DCLK1: variants seen among roughly 807,000 people sequenced by gnomAD.
DCLK1 encodes serine/threonine-protein kinase DCLK1.
DCLK1 carries 16 observed loss-of-function variants against 86.2 expected under a neutral mutation model. That is an observed-to-expected ratio of 0.19 (90% CI 0.13 to 0.28). The LOEUF is 0.28. Among genes scored for constraint, DCLK1 ranks in the 10% least tolerant of loss-of-function variants. DCLK1 has a pLI of 1.00. For missense variants in DCLK1, 590 were observed against 940.2 expected (o/e 0.63, Z 4.87); for synonymous variants, 369 against 370.5 (o/e 1.00, Z 0.05).
At chr13:36,055,866 A>C (rs1179129055) in intron 3 of DCLK1, among the ~76,000 whole-genome samples, 1 of 152,230 alleles carries the variant, frequency 6.6e-6, no homozygotes, top group African/African-American at 2.4e-5. Context: ...TTAACTGTTT[A>C]TTAAAAATAA....
intron 3 of DCLK1, among the ~76,000 whole-genome samples, chr13:35,954,003 A>G (rs185801374): frequency 5.9e-5 from 9 of 152,332 alleles, no homozygotes; most frequent in Non-Finnish European, 2.9e-5. Context: ...AGAATAAACC[A>G]TCACAGAAGT....
At chr13:35,932,431 T>C (rs1876505132) in intron 4 of DCLK1, among the ~76,000 whole-genome samples, 1 of 152,182 alleles carries the variant, frequency 6.6e-6, no homozygotes, top group South Asian at 2.1e-4. Flanking sequence ...TGTGTGTATG[T>C]GTATTAGTCC....
At chr13:36,013,625 C>G (rs1374881510) in intron 3 of DCLK1, among the ~76,000 whole-genome samples, 1 of 152,162 alleles carries the variant, frequency 6.6e-6, no homozygotes, top group Non-Finnish European at 1.5e-5. Flanking sequence ...CCACTGCTCT[C>G]TTCAAAGCTG....
At chr13:35,930,964 G>C (rs1044574423) in intron 4 of DCLK1, among the ~76,000 whole-genome samples, 2 of 152,152 alleles carry the variant, frequency 1.3e-5, no homozygotes, top group Non-Finnish European at 2.9e-5. Context: ...ATGAATTGCT[G>C]TCTGTTTAAA....
intron 11 of DCLK1, among the ~76,000 whole-genome samples, chr13:35,821,560 T>C (rs1658381144): frequency 6.6e-6 from 1 of 152,104 alleles, no homozygotes; most frequent in South Asian, 2.1e-4. Context: ...TTCCCAGATT[T>C]CTGAAGAGAC....
intron 3 of DCLK1, among the ~76,000 whole-genome samples, chr13:36,001,810 C>G (rs1880735243): frequency 6.6e-6 from 1 of 151,918 alleles, no homozygotes; most frequent in Non-Finnish European, 1.5e-5. Flanking sequence ...GATCAGAACC[C>G]ACGGCCTGGA....
At chr13:35,868,434 TG>T (rs1221992666) in intron 5 of DCLK1, among the ~76,000 whole-genome samples, 1 of 152,220 alleles carries the variant, frequency 6.6e-6, no homozygotes, top group Admixed American at 6.5e-5. Flanking sequence ...CATAAGAATT[TG>T]GCTAATTACC....
chr13:35,879,578 G>A (rs755163947), intron 4 of DCLK1, among the ~76,000 whole-genome samples: 3 of 152,120 alleles, frequency 2.0e-5, no homozygotes, highest in Admixed American at 1.3e-4. Context: ...GTTTAGCTCC[G>A]GGAGATTGCT....
chr13:35,949,963 G>A (rs1877577571), intron 3 of DCLK1, among the ~76,000 whole-genome samples: 1 of 151,498 alleles, frequency 6.6e-6, no homozygotes, highest in African/African-American at 2.4e-5. Context: ...GCACAAAAAG[G>A]CAGGGGCAAG....
chr13:36,033,687 A>G (rs1882375010), intron 3 of DCLK1, among the ~76,000 whole-genome samples: 1 of 152,226 alleles, frequency 6.6e-6, no homozygotes, highest in Non-Finnish European at 1.5e-5. Context: ...GAACTTTGGG[A>G]GGCCAAGGTG....
chr13:35,943,304 C>T (rs1199106325), intron 4 of DCLK1, among the ~76,000 whole-genome samples: 3 of 152,130 alleles, frequency 2.0e-5, no homozygotes, highest in African/African-American at 7.2e-5. Flanking sequence ...TTCCCTAGAG[C>T]CTTCAGAGGG....
intron 15 of DCLK1, among the ~76,000 whole-genome samples, chr13:35,796,197 A>G (rs1279293384): frequency 6.6e-6 from 1 of 152,180 alleles, no homozygotes; most frequent in African/African-American, 2.4e-5. Flanking sequence ...AGTACTTCTT[A>G]CCATCTCTTT....
At position 36,053,832 on chromosome 13, in the gene DCLK1, T is replaced by C. The variant is rs559988828; in HGVS notation, c.723+58037A>G. 7.9e-5 allele frequency among the ~76,000 whole-genome samples: 12 copies of C among 152,046 alleles called. No homozygotes were observed. The South Asian group carries it at 2.5e-3, about 32-fold the overall frequency. On this transcript the variant is annotated intron_variant, in intron 3 of 16. Transcript: ENST00000360631. ...GATATCTAGGGGAAGAGATAGGTCTTGAAGATGAGATCTGGTGTTACCCAG... is the reference window on the plus strand; with the variant it reads ...GATATCTAGGGGAAGAGATAGGTCTCGAAGATGAGATCTGGTGTTACCCAG...
intron 3 of DCLK1, among the ~76,000 whole-genome samples, chr13:36,030,279 T>C (rs1882215746): frequency 6.6e-6 from 1 of 152,102 alleles, no homozygotes; most frequent in African/African-American, 2.4e-5. Flanking sequence ...CAATGGTCTT[T>C]TGCTTTGTTT....
At chr13:35,897,297 G>A (rs1353113062) in intron 4 of DCLK1, among the ~76,000 whole-genome samples, 1 of 152,204 alleles carries the variant, frequency 6.6e-6, no homozygotes, top group Non-Finnish European at 1.5e-5. Context: ...GGATGGAGCT[G>A]AGGAGTGCAA....
At chr13:35,928,276 T>C (rs1315402209) in intron 4 of DCLK1, among the ~76,000 whole-genome samples, 1 of 152,110 alleles carries the variant, frequency 6.6e-6, no homozygotes, top group Non-Finnish European at 1.5e-5. Context: ...TCCTGGTAGT[T>C]GGTGTTGGAA....
In DCLK1 at chr13:35,914,306, G is replaced by A. The variant is rs561084875; in HGVS notation, c.823+33052C>T. ...TGCACTCCAGCCTGGGCAACAGAGG[G>A]GAGACCTTATCTCAGAAAAAAAAAA... is the stretch of plus-strand genomic sequence containing the variant. On this transcript the variant is annotated intron_variant, in intron 4 of 16. Transcript: ENST00000360631. 4.0e-4 allele frequency among the ~76,000 whole-genome samples: 56 copies of A among 139,360 alleles called. 1 individual carries two copies. The highest frequency in any genetic ancestry group is 1.5e-3 in the African/African-American group (56 of 36,414). The allele number at this position is 139,360 out of a possible 152,430, so 91.4% of individuals were successfully genotyped here.
rs574975011 is a variant in DCLK1 at position 35,769,460 on chromosome 13, A to C, written c.*5075T>G. 3.2e-4 allele frequency: 48 copies of C among 152,328 alleles called. 2 individuals are homozygous for C. In the East Asian group the frequency reaches 7.9e-3, roughly 25 times the overall value. 9.4% of individuals were successfully genotyped at this position (152,328 alleles called of 1,614,324 possible). A position where few individuals can be genotyped will look rare whatever the true frequency, so the allele number is the denominator to read the frequency against. ...AAAGGCTAGTATTAATTTCCTAATA[A>C]AATTTTTTTTCAAAAGTTATCGAGG... On this transcript the variant is annotated 3_prime_UTR_variant, in exon 17 of 17. Transcript: ENST00000360631.
chr13:35,976,724 C>T (rs998045846), intron 3 of DCLK1, among the ~76,000 whole-genome samples: 2 of 150,860 alleles, frequency 1.3e-5, no homozygotes, highest in South Asian at 4.2e-4. Context: ...TTAGTAGAGA[C>T]GGGGTTTCAC....
Sources: gnomAD v4.1 joint callset for allele counts (sites outside exome capture counted in the v4.1 genomes callset) on GRCh38, gnomAD v4.1.1 for gene constraint, MANE v1.5 for transcripts, NCBI Gene and HGNC (gene_info 2026-07-23, HGNC 2026-07-21) for gene names.